Variants in VANGL1 observed in about 807,000 individuals in gnomAD.
VANGL1 encodes vang-like protein 1.
A neutral mutation model predicts 48.4 loss-of-function variants in VANGL1; 18 were observed. The ratio of observed to expected loss-of-function variants is 0.37; its 90% confidence interval spans 0.26 to 0.55. The LOEUF is 0.55. Ranked by LOEUF, VANGL1 falls within the 20% of genes least tolerant of loss-of-function variation. The pLI, the probability that VANGL1 is intolerant of heterozygous loss-of-function variation, is 0.81. For synonymous variants in VANGL1, 257 were observed against 261.8 expected (o/e 0.98, Z 0.18); for missense variants, 667 against 675.8 (o/e 0.99, Z 0.14).
At chr1:115,645,627 T>C (rs1046040698) in intron 1 of VANGL1, among the ~76,000 whole-genome samples, 2 of 152,212 alleles carry the variant, frequency 1.3e-5, no homozygotes, top group African/African-American at 4.8e-5. Flanking sequence ...AGAAGAATAG[T>C]TGACTCTAAA....
Position 115,693,937 on chromosome 1 carries a change from A to AT in VANGL1, c.*2564dup, listed in dbSNP as rs1167718449. The AT allele has an allele frequency of 8.5e-5, 13 of 152,318 alleles. No individual in the cohort carries two copies. In the East Asian group the frequency reaches 2.3e-3, roughly 27 times the overall value. 9.4% of individuals were successfully genotyped at this position (152,318 alleles called of 1,614,324 possible). A position where few individuals can be genotyped will look rare whatever the true frequency, so the allele number is the denominator to read the frequency against. On this transcript the variant is annotated 3_prime_UTR_variant, in exon 8 of 8. Transcript: ENST00000355485. The stretch of plus-strand genomic sequence containing the variant: ...TTTCATTTGCCTTATATGTTTATAG[A>AT]TTTTTTATAATTTTCATCCTACGTT...
intron 4 of VANGL1, among the ~76,000 whole-genome samples, chr1:115,668,957 C>T (rs936858437): frequency 2.0e-4 from 30 of 152,300 alleles, no homozygotes; most frequent in Admixed American, 1.7e-3. Context: ...GGAGAGAGGA[C>T]GACACAAGAC....
chr1:115,681,251 T>G (rs1235621326), intron 4 of VANGL1, among the ~76,000 whole-genome samples: 1 of 152,186 alleles, frequency 6.6e-6, no homozygotes, highest in Non-Finnish European at 1.5e-5. Context: ...AAGGGCATAT[T>G]CTTTTGCTGT....
At chr1:115,683,887 C>T in intron 5 of VANGL1, 57 bp from the exon 6 acceptor site, 1 of 1,600,984 alleles carries the variant, frequency 6.2e-7, no homozygotes. Context: ...TAGTTTTCTG[C>T]TCTGTTTCCC....
At chr1:115,680,858 C>G (rs6694385) in intron 4 of VANGL1, among the ~76,000 whole-genome samples, 98,341 of 152,134 alleles carry the variant, frequency 0.65, 32,097 homozygotes, top group South Asian at 0.75. Flanking sequence ...TCAAAGGGAG[C>G]CCCATCCTGG....
intron 4 of VANGL1, 141 bp downstream of exon 4, chr1:115,664,409 C>T (rs1026525214): frequency 6.0e-6 from 8 of 1,329,016 alleles, no homozygotes; most frequent in Middle Eastern, 2.7e-4. Context: ...GGAGGAGATG[C>T]GAGGGTGGGG....
rs1557777903 is a variant in VANGL1 at position 115,689,711 on chromosome 1, C to CT, written c.1315-1405dup. On this transcript the variant is annotated intron_variant, in intron 7 of 7. Coordinates refer to ENST00000355485, the MANE Select transcript of VANGL1 (RefSeq NM_138959.3). ...GTGGCTCACGCCTGTAATCTCAACA[C>CT]TTTGGGAGGCCAGGCAGGCAGATCA... 1.5e-5 allele frequency among the ~76,000 whole-genome samples: 2 copies of CT among 137,014 alleles called. 1 individual carries two copies. Among genetic ancestry groups the CT allele is most frequent in the African/African-American group, 5.5e-5 (2 of 36,282 alleles). 89.9% of individuals were successfully genotyped at this position (137,014 alleles called of 152,430 possible). A position where few individuals can be genotyped will look rare whatever the true frequency, so the allele number is the denominator to read the frequency against.
At chr1:115,648,369 A>G (rs1214690812) in intron 1 of VANGL1, among the ~76,000 whole-genome samples, 1 of 152,166 alleles carries the variant, frequency 6.6e-6, no homozygotes, top group East Asian at 1.9e-4. Context: ...GGAGGGAGTG[A>G]CAGCATGTAT....
rs1346660468 is a variant in VANGL1 at position 115,690,164 on chromosome 1, C to T, written c.1315-955C>T. On this transcript the variant is annotated intron_variant, in intron 7 of 7. Coordinates refer to ENST00000355485, the MANE Select transcript of VANGL1 (RefSeq NM_138959.3). ...TTAAAGAAACAAAACATACTTCCTGCCCTTCAAGAGAGTGAAGTGTAGTGT... is the reference window on the plus strand; with the variant it reads ...TTAAAGAAACAAAACATACTTCCTGTCCTTCAAGAGAGTGAAGTGTAGTGT... 2.4e-5 allele frequency among the ~76,000 whole-genome samples: 2 copies of T among 85,080 alleles called. 1 individual carries two copies. Among genetic ancestry groups the T allele is most frequent in the Admixed American group, 2.6e-4 (2 of 7,832 alleles). The allele number at this position is 85,080 out of a possible 152,430, so 55.8% of individuals were successfully genotyped here.
chr1:115,680,377 G>T (rs1462062986), intron 4 of VANGL1, among the ~76,000 whole-genome samples: 1 of 152,158 alleles, frequency 6.6e-6, no homozygotes, highest in African/African-American at 2.4e-5. Context: ...TACCAGCTAA[G>T]GTCTATCTTC....
chr1:115,685,395 C>G lies in VANGL1; in HGVS notation c.1182C>G (p.Ala394=), dbSNP rs891957566. The change falls in exon 7 of 8, where the codon GCC becomes GCG. Residue 394 remains alanine, a synonymous_variant. Transcript: ENST00000355485. Reference sequence around the variant, plus strand: ...AGGTGATGGACCCTAGGGAGGCCGCCCAGGCCATTTTCCCCTCCATGGCCA... The same window carrying G: ...AGGTGATGGACCCTAGGGAGGCCGCGCAGGCCATTTTCCCCTCCATGGCCA... ...PGEVMDPREA[A]QAIFPSMARA... is the part of the protein sequence containing the mutation. 6.2e-7 allele frequency: 1 copy of G among 1,614,158 alleles called. No individual in the cohort carries two copies. Among genetic ancestry groups the G allele is most frequent in the Non-Finnish European group, 8.5e-7 (1 of 1,180,020 alleles).
At chr1:115,690,535 T>G (rs986363657) in intron 7 of VANGL1, among the ~76,000 whole-genome samples, 4 of 152,262 alleles carry the variant, frequency 2.6e-5, no homozygotes, top group Non-Finnish European at 1.5e-5. Flanking sequence ...CTGTGAGTGC[T>G]TTTTGAGAGC....
intron 2 of VANGL1, among the ~76,000 whole-genome samples, chr1:115,653,733 G>A (rs950630132): frequency 6.6e-6 from 1 of 152,148 alleles, no homozygotes; most frequent in Non-Finnish European, 1.5e-5. Context: ...AAAACAACAC[G>A]CAGAATTTTT....
At chr1:115,671,664 C>T (rs1055186996) in intron 4 of VANGL1, among the ~76,000 whole-genome samples, 3 of 152,192 alleles carry the variant, frequency 2.0e-5, no homozygotes, top group Non-Finnish European at 4.4e-5. Flanking sequence ...AGCAAAGTTC[C>T]CATCCCAGGC....
At chr1:115,662,932 A>T (rs1042392812) in intron 3 of VANGL1, among the ~76,000 whole-genome samples, 3 of 152,006 alleles carry the variant, frequency 2.0e-5, no homozygotes, top group Non-Finnish European at 2.9e-5. Context: ...GATTACAGGC[A>T]TGTGCCACCA....
chr1:115,648,786 GC>G (rs1362567997), intron 1 of VANGL1, among the ~76,000 whole-genome samples: 10 of 152,328 alleles, frequency 6.6e-5, no homozygotes, highest in Non-Finnish European at 1.2e-4. Context: ...CGGGGCCTGG[GC>G]CACCTGCCTC....
At chr1:115,647,825 G>A (rs1211218911) in intron 1 of VANGL1, among the ~76,000 whole-genome samples, 1 of 152,226 alleles carries the variant, frequency 6.6e-6, no homozygotes, top group Non-Finnish European at 1.5e-5. Flanking sequence ...ATACTGGAGA[G>A]CACCTATGAG....
chr1:115,657,452 G>A (rs1017554914), intron 2 of VANGL1, among the ~76,000 whole-genome samples: 1 of 152,162 alleles, frequency 6.6e-6, no homozygotes, highest in African/African-American at 2.4e-5. Context: ...CTTGTCTGTA[G>A]AATGAAGACA....
intron 4 of VANGL1, among the ~76,000 whole-genome samples, chr1:115,666,713 T>C (rs927603394): frequency 6.6e-6 from 1 of 152,144 alleles, no homozygotes; most frequent in African/African-American, 2.4e-5. Flanking sequence ...TTGGTGTTCC[T>C]CCTCTCCCTG....
Sources: allele counts gnomAD v4.1 joint callset (sites outside exome capture counted in the v4.1 genomes callset), GRCh38; gene constraint gnomAD v4.1.1; transcripts MANE v1.5; gene names NCBI Gene and HGNC (gene_info 2026-07-23, HGNC 2026-07-21).